The following RGS6 variants were observed in gnomAD, a reference collection of about 807,000 sequenced individuals.
The protein encoded by RGS6 is regulator of G-protein signaling 6.
In RGS6, 30 loss-of-function variants were observed where a neutral mutation model predicts 78.5. The ratio of observed to expected loss-of-function variants is 0.38; its 90% confidence interval spans 0.29 to 0.52. RGS6 has a LOEUF of 0.52. RGS6 is among the 20% of genes least tolerant of loss of function. The pLI is 0.85. For synonymous variants in RGS6, 206 were observed against 206.0 expected (o/e 1.00, Z 0.00); for missense variants, 495 against 609.7 (o/e 0.81, Z 1.98).
intron 17 of RGS6, among the ~76,000 whole-genome samples, chr14:72,557,712 G>C (rs372715890): frequency 1.1e-4 from 17 of 152,346 alleles, no homozygotes; most frequent in East Asian, 9.6e-4. Context: ...ATGGTGAGCT[G>C]TATTCAACGA....
the RGS6 span, among the ~76,000 whole-genome samples, chr14:71,917,255 C>T: frequency 6.6e-6 from 1 of 152,070 alleles, no homozygotes; most frequent in Non-Finnish European, 1.5e-5. Context: ...TGTGGGGTGA[C>T]GGTATATGGG....
intron 3 of RGS6, among the ~76,000 whole-genome samples, chr14:72,423,788 T>C (rs1198732775): frequency 6.6e-6 from 1 of 152,094 alleles, no homozygotes; most frequent in Non-Finnish European, 1.5e-5. Flanking sequence ...TTTATACATA[T>C]AACAAACCTG....
chr14:72,604,282 G>A, the RGS6 span, among the ~76,000 whole-genome samples: 2 of 152,148 alleles, frequency 1.3e-5, no homozygotes, highest in Non-Finnish European at 2.9e-5. Flanking sequence ...AGAATAAACG[G>A]AGGCGGGTTT....
intron 2 of RGS6, among the ~76,000 whole-genome samples, chr14:72,036,037 T>C (rs1777917008): frequency 1.3e-5 from 2 of 152,032 alleles, no homozygotes; most frequent in Non-Finnish European, 2.9e-5. Context: ...GTCCCACCCG[T>C]AACACTAACC....
intron 3 of RGS6, among the ~76,000 whole-genome samples, chr14:72,409,811 G>A (rs985483569): frequency 6.6e-6 from 1 of 152,058 alleles, no homozygotes. Flanking sequence ...AGAACATGCA[G>A]CGTTTGGTTT....
At chr14:72,318,938 CCT>C (rs1454427019) in intron 2 of RGS6, among the ~76,000 whole-genome samples, 4 of 152,144 alleles carry the variant, frequency 2.6e-5, no homozygotes, top group Non-Finnish European at 5.9e-5. Context: ...AGCACACAAC[CCT>C]TTGTAATAAG....
chr14:72,569,430 C>T (rs1482847363), downstream of RGS6, among the ~76,000 whole-genome samples: 1 of 152,068 alleles, frequency 6.6e-6, no homozygotes, highest in Non-Finnish European at 1.5e-5. Flanking sequence ...CTGTAATCCC[C>T]GCACTTTGGG....
chr14:71,954,108 G>A (rs181163987), intron 1 of RGS6, among the ~76,000 whole-genome samples: 197 of 150,272 alleles, frequency 1.3e-3, no homozygotes, highest in Non-Finnish European at 2.4e-3. Context: ...TTTGTCTTTG[G>A]TTTTCTGCAG....
At chr14:72,096,437 A>C (rs1158822651) in intron 2 of RGS6, among the ~76,000 whole-genome samples, 1 of 152,190 alleles carries the variant, frequency 6.6e-6, no homozygotes. Context: ...GTGCTAAAAC[A>C]ACAAAACCTC....
At chr14:72,311,290 A>G (rs1222734632) in intron 2 of RGS6, among the ~76,000 whole-genome samples, 1 of 152,180 alleles carries the variant, frequency 6.6e-6, no homozygotes, top group Non-Finnish European at 1.5e-5. Context: ...AATAACCTCC[A>G]TTATGTGACT....
the RGS6 span, chr14:72,612,338 C>T: frequency 2.3e-6 from 1 of 438,556 alleles, no homozygotes; most frequent in Non-Finnish European, 4.5e-6. Context: ...TACCCCGCCT[C>T]TCTCCAGCCA....
At chr14:71,908,764 A>G in the RGS6 span, among the ~76,000 whole-genome samples, 3 of 152,148 alleles carry the variant, frequency 2.0e-5, no homozygotes, top group Non-Finnish European at 4.4e-5. Flanking sequence ...TAGGGAGAAT[A>G]AACATGTTAG....
At chr14:72,056,311 G>C (rs1313815923) in intron 2 of RGS6, among the ~76,000 whole-genome samples, 2 of 152,166 alleles carry the variant, frequency 1.3e-5, no homozygotes, top group East Asian at 3.8e-4. Context: ...AAGGCTCTCA[G>C]AATTTAGGAA....
intron 13 of RGS6, among the ~76,000 whole-genome samples, chr14:72,495,787 T>C (rs2096637170): frequency 6.6e-6 from 1 of 152,190 alleles, no homozygotes; most frequent in Non-Finnish European, 1.5e-5. Flanking sequence ...TCCAGAACCA[T>C]GATTTCATCA....
chr14:72,342,360 G>GT (rs1451733945), intron 2 of RGS6, among the ~76,000 whole-genome samples: 3 of 152,070 alleles, frequency 2.0e-5, no homozygotes, highest in Admixed American at 2.0e-4. Context: ...GAGTTCAGGA[G>GT]TTTGAGACCA....
intron 2 of RGS6, among the ~76,000 whole-genome samples, chr14:72,271,920 CT>C (rs35019998): frequency 0.011 from 1,467 of 132,754 alleles, 7 homozygotes; most frequent in African/African-American, 0.023. Flanking sequence ...CACAGCATCA[CT>C]TTTTTTTTTT....
chr14:72,185,256 C>T (rs1396887789), intron 2 of RGS6, among the ~76,000 whole-genome samples: 1 of 152,060 alleles, frequency 6.6e-6, no homozygotes, highest in Non-Finnish European at 1.5e-5. Context: ...CTCTCCCAGT[C>T]CACTGACTCA....
chr14:72,540,575 G>T (rs2097311441), intron 17 of RGS6: 3 of 1,533,640 alleles, frequency 2.0e-6, no homozygotes, highest in Non-Finnish European at 2.6e-6. Flanking sequence ...TGCTGTGTAG[G>T]CGGCTTTTGC....
intron 5 of RGS6, 124 bp downstream of exon 5, chr14:72,458,501 G>T: frequency 1.4e-6 from 1 of 717,378 alleles, no homozygotes; most frequent in Non-Finnish European, 2.3e-6. Flanking sequence ...CATCAGCACT[G>T]GGAAAGCCAA....
Sources: gnomAD v4.1 joint callset for allele counts (sites outside exome capture counted in the v4.1 genomes callset) on GRCh38, gnomAD v4.1.1 for gene constraint, MANE v1.5 for transcripts, NCBI Gene and HGNC (gene_info 2026-07-23, HGNC 2026-07-21) for gene names.